FRMD3: variants seen among roughly 807,000 people sequenced by gnomAD.
FRMD3 encodes FERM domain containing 3.
In FRMD3, 33 loss-of-function variants were observed where a neutral mutation model predicts 70.2. That is an observed-to-expected ratio of 0.47 (90% CI 0.36 to 0.63). The LOEUF (loss-of-function observed/expected upper bound fraction) is 0.63, where lower values mean the gene tolerates loss of function less well. Ranked by LOEUF, FRMD3 falls within the 20% of genes least tolerant of loss-of-function variation. FRMD3 has a pLI of 0.00. For synonymous variants in FRMD3, 279 were observed against 255.9 expected (o/e 1.09, Z -0.86); for missense variants, 632 against 711.4 (o/e 0.89, Z 1.27).
At chr9:83,368,458 A>G (rs978650266) in intron 3 of FRMD3, among the ~76,000 whole-genome samples, 1 of 152,040 alleles carries the variant, frequency 6.6e-6, no homozygotes, top group African/African-American at 2.4e-5. Context: ...CAGCCTCCCG[A>G]GTAGCTGGGA....
chr9:83,260,176 G>A (rs4395967), intron 13 of FRMD3, among the ~76,000 whole-genome samples: 103,713 of 152,104 alleles, frequency 0.68, 37,633 homozygotes, highest in East Asian at 0.9. Context: ...AAAGGAGACA[G>A]GGGCACTAAG....
At chr9:83,470,569 C>T (rs1828245206) in intron 1 of FRMD3, among the ~76,000 whole-genome samples, 1 of 152,202 alleles carries the variant, frequency 6.6e-6, no homozygotes, top group Non-Finnish European at 1.5e-5. Flanking sequence ...GAATTGTCAG[C>T]CTCAAAAATC....
At chr9:83,579,863 C>G in the FRMD3 span, among the ~76,000 whole-genome samples, 29 of 151,926 alleles carry the variant, frequency 1.9e-4, no homozygotes, top group Non-Finnish European at 3.5e-4. Context: ...TGCAACTATG[C>G]AACTATATAC....
intron 1 of FRMD3, among the ~76,000 whole-genome samples, 159 bp from the exon 2 acceptor site, chr9:83,389,867 C>A (rs1460666862): frequency 6.6e-6 from 1 of 152,102 alleles, no homozygotes; most frequent in East Asian, 1.9e-4. Context: ...ACCACAAATC[C>A]TCAATGATAA....
the FRMD3 span, among the ~76,000 whole-genome samples, chr9:83,573,903 G>T: frequency 7.9e-5 from 12 of 152,170 alleles, 1 homozygote; most frequent in Admixed American, 6.5e-4. Flanking sequence ...GTGACAAAAG[G>T]GCTGTGTTGT....
chr9:83,248,611 T>C, intron 13 of FRMD3, 95 bp from the exon 14 acceptor site: 1 of 1,256,506 alleles, frequency 8.0e-7, no homozygotes, highest in African/African-American at 1.5e-5. Flanking sequence ...CTAATGGGAT[T>C]CAAGCAATCT....
At position 83,366,167 on chromosome 9, in the gene FRMD3, AG is replaced by A. The variant is rs374185406; in HGVS notation, c.295+6745del. Among the ~76,000 whole-genome samples, 540 of 152,204 alleles carry A rather than the reference AG, an allele frequency of 3.5e-3. 3 individuals carry two copies. The highest frequency in any genetic ancestry group is 0.013 in the African/African-American group (520 of 41,530). ...ATTCTGGGGTGGAGAGAAAGGGAAA[AG>A]CTCTTCATATGGAAGAAAAAAAAAC... On this transcript the variant is annotated intron_variant, in intron 3 of 13. Coordinates refer to ENST00000304195, the MANE Select transcript of FRMD3 (RefSeq NM_174938.6).
chr9:83,309,951 T>A (rs1033249239), intron 9 of FRMD3, among the ~76,000 whole-genome samples: 1 of 152,194 alleles, frequency 6.6e-6, no homozygotes, highest in South Asian at 2.1e-4. Context: ...GAGGAACTAG[T>A]ACTTGGGCTG....
At chr9:83,287,078 T>C (rs1384461907) in intron 13 of FRMD3, among the ~76,000 whole-genome samples, 1 of 152,176 alleles carries the variant, frequency 6.6e-6, no homozygotes, top group Non-Finnish European at 1.5e-5. Context: ...TTACTATGCC[T>C]TGTATGCACT....
chr9:83,424,517 G>T (rs951930606), intron 1 of FRMD3, among the ~76,000 whole-genome samples: 1 of 152,132 alleles, frequency 6.6e-6, no homozygotes, highest in Non-Finnish European at 1.5e-5. Flanking sequence ...CGGACACAAT[G>T]GTATCTTAAA....
At chr9:83,531,373 A>G (rs1829788601) in intron 1 of FRMD3, among the ~76,000 whole-genome samples, 1 of 152,258 alleles carries the variant, frequency 6.6e-6, no homozygotes, top group Admixed American at 6.5e-5. Context: ...AAGTCAATAC[A>G]CTTTGCCTTT....
At chr9:83,505,639 G>T (rs62560353) in intron 1 of FRMD3, among the ~76,000 whole-genome samples, 17,516 of 152,194 alleles carry the variant, frequency 0.12, 1,360 homozygotes, top group Admixed American at 0.21. Context: ...TTCCAAAAAG[G>T]TCAGCTTCAA....
intron 13 of FRMD3, among the ~76,000 whole-genome samples, chr9:83,288,752 T>C (rs1834310456): frequency 6.6e-6 from 1 of 152,262 alleles, no homozygotes; most frequent in African/African-American, 2.4e-5. Context: ...GTCCATACAG[T>C]TGCTATGTCA....
At chr9:83,281,678 T>C (rs909951384) in intron 13 of FRMD3, 2 of 152,222 alleles carry the variant, frequency 1.3e-5, no homozygotes, top group Non-Finnish European at 2.9e-5. Context: ...CCTTATTTAA[T>C]GAATTCAACT....
At chr9:83,524,370 C>T (rs1829642475) in intron 1 of FRMD3, among the ~76,000 whole-genome samples, 1 of 152,170 alleles carries the variant, frequency 6.6e-6, no homozygotes, top group South Asian at 2.1e-4. Context: ...ACAAAATACT[C>T]ATATAACCAT....
the FRMD3 span, among the ~76,000 whole-genome samples, chr9:83,582,997 A>T: frequency 6.6e-6 from 1 of 152,174 alleles, no homozygotes; most frequent in African/African-American, 2.4e-5. Flanking sequence ...TGTTTTAAAA[A>T]CTGAACTTAT....
chr9:83,479,700 G>GAA (rs1554710642), intron 1 of FRMD3, among the ~76,000 whole-genome samples: 1 of 71,140 alleles, frequency 1.4e-5, no homozygotes, highest in Non-Finnish European at 2.6e-5. Flanking sequence ...AAGAAAGAAA[G>GAA]AAAGAAAGAA....
chr9:83,334,219 T>C (rs1321800423), intron 6 of FRMD3, among the ~76,000 whole-genome samples: 1 of 152,128 alleles, frequency 6.6e-6, no homozygotes, highest in Non-Finnish European at 1.5e-5. Flanking sequence ...AAAAGAGTAG[T>C]GAGAATTTCA....
intron 1 of FRMD3, among the ~76,000 whole-genome samples, chr9:83,454,047 A>G (rs10868016): frequency 0.23 from 34,345 of 152,116 alleles, 3,983 homozygotes; most frequent in Non-Finnish European, 0.26. Context: ...ACAAGAAAAT[A>G]TTAAATTATG....
Sources: allele counts gnomAD v4.1 joint callset (sites outside exome capture counted in the v4.1 genomes callset), GRCh38; gene constraint gnomAD v4.1.1; transcripts MANE v1.5; gene names NCBI Gene and HGNC (gene_info 2026-07-23, HGNC 2026-07-21).